The following RPL31 variants were observed in gnomAD, a reference collection of about 807,000 sequenced individuals.
The protein encoded by RPL31 is large ribosomal subunit protein eL31.
For synonymous variants in RPL31, 51 were observed against 55.0 expected (o/e 0.93, Z 0.32); for missense variants, 95 against 164.0 (o/e 0.58, Z 2.30).
intron 4 of RPL31, among the ~76,000 whole-genome samples, chr2:101,014,180 CTT>C (rs1417897889): frequency 6.6e-6 from 1 of 150,828 alleles, no homozygotes; most frequent in African/African-American, 2.4e-5. Flanking sequence ...CTGAGGCAGT[CTT>C]TTAATTTCGC....
chr2:101,005,807 T>C, intron 3 of RPL31, 152 bp from the exon 4 acceptor site: 1 of 652,924 alleles, frequency 1.5e-6, no homozygotes, highest in Non-Finnish European at 2.7e-6. Context: ...GGGGGTTATG[T>C]TTCATTTTCC....
rs1679510444 is a variant in RPL31 at position 101,015,014 on chromosome 2, A to G, written c.347-3984A>G. On this transcript the variant is annotated intron_variant, in intron 4 of 4. Coordinates refer to the RPL31 transcript ENST00000409028. ...CAATGAGAGGAATACGTTCTGAGAA[A>G]TGCATCATTAGGTGATTTTGTCATT... Among the ~76,000 whole-genome samples, 7 of 152,326 alleles carry G rather than the reference A, an allele frequency of 4.6e-5. No individual in the cohort carries two copies. In the South Asian group the frequency reaches 1.5e-3, roughly 32 times the overall value.
intron 4 of RPL31, among the ~76,000 whole-genome samples, chr2:101,017,006 C>CA (rs1440236192): frequency 6.6e-6 from 1 of 151,374 alleles, no homozygotes; most frequent in East Asian, 1.9e-4. Context: ...AGCACACCAG[C>CA]ATGGCACATG....
chr2:101,003,769 C>G (rs1371497780), intron 2 of RPL31, among the ~76,000 whole-genome samples: 4 of 152,234 alleles, frequency 2.6e-5, no homozygotes, highest in African/African-American at 9.6e-5. Context: ...ATTGAATGAT[C>G]TGTTCCAAAA....
chr2:101,007,870 A>T, downstream of RPL31: 5 of 1,613,866 alleles, frequency 3.1e-6, no homozygotes, highest in East Asian at 2.2e-5. Flanking sequence ...GCTCATTTCA[A>T]AAGTTTTGAG....
At chr2:101,015,525 T>G (rs1039766182) in intron 4 of RPL31, among the ~76,000 whole-genome samples, 27 of 152,226 alleles carry the variant, frequency 1.8e-4, no homozygotes, top group African/African-American at 5.8e-4. Flanking sequence ...ACAAACACAT[T>G]GTACAGCTGT....
chr2:101,010,895 A>G (rs1679158817), downstream of RPL31: 2 of 1,573,600 alleles, frequency 1.3e-6, no homozygotes, highest in Admixed American at 1.8e-5. Context: ...AAAAAAAAAA[A>G]AAGTTAATTC....
At chr2:101,011,094 T>C (rs1679174914), downstream of RPL31, 4 of 1,483,690 alleles carry the variant, frequency 2.7e-6, no homozygotes, top group Admixed American at 3.5e-5. Context: ...AAGGAAACTA[T>C]GTAGGAGAGA....
downstream of RPL31, chr2:101,010,943 G>A (rs767404298): frequency 1.2e-6 from 2 of 1,611,778 alleles, no homozygotes; most frequent in South Asian, 2.2e-5. Context: ...CTCATTTTGG[G>A]CAATTCTTTC....
At chr2:101,019,215 T>C in exon 5 of RPL31, 2 of 644,938 alleles carry the variant, frequency 3.1e-6, no homozygotes, top group Non-Finnish European at 5.0e-6. Flanking sequence ...TGATGTCTTC[T>C]GCCCTTGCCT....
At position 101,006,081 on chromosome 2, in the gene RPL31, C is replaced by T. The variant is rs748552862; in HGVS notation, c.346+10C>T. 2 of 1,612,040 alleles carry T rather than the reference C, an allele frequency of 1.2e-6. No homozygotes were observed. Among genetic ancestry groups the T allele is most frequent in the South Asian group, 2.2e-5 (2 of 90,610 alleles). The stretch of plus-strand genomic sequence containing the variant: ...GTTACCACTTTCAAAAGTAAGTTCT[C>T]CATCCCATAAAGCCATTTAAATTCA... On this transcript the variant is annotated intron_variant, in intron 4 of 4. Transcript: ENST00000264258.
rs150239130 is a variant in RPL31 at position 101,018,934 on chromosome 2, G to C, written c.347-64G>C. ...AAACTGTTGATGTCCTAATCTTCTGGAATGCTCTTCGTCTGTGTGTTACCT... is the reference window on the plus strand; with the variant it reads ...AAACTGTTGATGTCCTAATCTTCTGCAATGCTCTTCGTCTGTGTGTTACCT... On this transcript the variant is annotated intron_variant, in intron 4 of 4. Transcript: ENST00000409028. 5.0e-3 allele frequency: 7,897 copies of C among 1,581,786 alleles called. 328 individuals carry two copies. In the Admixed American group the frequency reaches 0.095, roughly 19 times the overall value.
At chr2:101,012,863 T>A (rs1679333323) in intron 4 of RPL31, among the ~76,000 whole-genome samples, 1 of 152,230 alleles carries the variant, frequency 6.6e-6, no homozygotes. Context: ...TTTGGAAAGC[T>A]ACCCTTACTT....
At chr2:101,008,264 T>TAA (rs1329913723), downstream of RPL31, 1 of 1,529,298 alleles carries the variant, frequency 6.5e-7, no homozygotes, top group Non-Finnish European at 8.8e-7. Context: ...CAGAACTGGA[T>TAA]AAATTCTCTC....
intron 4 of RPL31, among the ~76,000 whole-genome samples, chr2:101,015,848 G>A (rs1679590846): frequency 1.3e-5 from 2 of 152,138 alleles, no homozygotes; most frequent in African/African-American, 4.8e-5. Context: ...AATAAATGGT[G>A]TTGGGAAAAC....
downstream of RPL31, among the ~76,000 whole-genome samples, chr2:101,009,155 A>G (rs934530790): frequency 1.3e-5 from 2 of 152,214 alleles, no homozygotes; most frequent in African/African-American, 4.8e-5. Context: ...GCACTTTGGG[A>G]GGCCAAGGCA....
At position 101,006,505 on chromosome 2, in the gene RPL31, A is replaced by C; in HGVS notation, c.*124A>C. ...GGGATCATTTGAAGAGCTTTTCCCA[A>C]ATTGATGGCCTGTGCTGCCTTCTCC... On this transcript the variant is annotated 3_prime_UTR_variant, in exon 5 of 5. Coordinates refer to ENST00000264258, the MANE Select transcript of RPL31 (RefSeq NM_000993.5). 1.1e-6 allele frequency: 1 copy of C among 950,322 alleles called. No homozygotes were observed. Among genetic ancestry groups the C allele is most frequent in the Non-Finnish European group, 1.5e-6 (1 of 654,752 alleles). The allele number at this position is 950,322 out of a possible 1,614,324, so 58.9% of individuals were successfully genotyped here.
At chr2:101,009,827 C>CT (rs1202991001), downstream of RPL31, among the ~76,000 whole-genome samples, 2,883 of 121,882 alleles carry the variant, frequency 0.024, 162 homozygotes, top group Admixed American at 0.15. Flanking sequence ...GGAGCTTTTT[C>CT]TTTTTTTTTT....
chr2:101,002,899 C>A, intron 2 of RPL31, 91 bp downstream of exon 2: 2 of 891,548 alleles, frequency 2.2e-6, no homozygotes, highest in Admixed American at 2.1e-5. Context: ...CCAATCTTTT[C>A]CTCTTGTGGC....
Sources: gnomAD v4.1 joint callset for allele counts (sites outside exome capture counted in the v4.1 genomes callset) on GRCh38, gnomAD v4.1.1 for gene constraint, MANE v1.5 for transcripts, NCBI Gene and HGNC (gene_info 2026-07-23, HGNC 2026-07-21) for gene names.